Variants in PREX2 observed in about 807,000 individuals in gnomAD.
The protein encoded by PREX2 is phosphatidylinositol-3,4,5-trisphosphate dependent Rac exchange factor 2.
Under a neutral mutation model 203.2 loss-of-function variants are expected in PREX2, and 107 were observed. The ratio of observed to expected loss-of-function variants is 0.53; its 90% confidence interval spans 0.45 to 0.62. The LOEUF (loss-of-function observed/expected upper bound fraction) is 0.62, where lower values mean the gene tolerates loss of function less well. Among genes scored for constraint, PREX2 ranks in the 20% least tolerant of loss-of-function variants. PREX2 has a pLI of 0.00. For synonymous variants in PREX2, 672 were observed against 663.6 expected, an observed-to-expected ratio of 1.01 and a Z score of -0.19; for missense variants, 1,777 against 1,955.9, an observed-to-expected ratio of 0.91 and a Z score of 1.72.
intron 35 of PREX2, among the ~76,000 whole-genome samples, chr8:68,181,818 C>T (rs1249970709): frequency 1.3e-5 from 2 of 152,080 alleles, no homozygotes; most frequent in Non-Finnish European, 1.5e-5. Flanking sequence ...GTTGACCACT[C>T]ACTGTGTACC....
At chr8:68,143,304 T>C (rs1415405078) in intron 33 of PREX2, among the ~76,000 whole-genome samples, 2 of 152,082 alleles carry the variant, frequency 1.3e-5, no homozygotes, top group Non-Finnish European at 2.9e-5. Context: ...TCTCATGAGA[T>C]CTGGTTGTTT....
intron 1 of PREX2, among the ~76,000 whole-genome samples, chr8:67,977,689 G>A (rs1018988556): frequency 2.0e-5 from 3 of 152,118 alleles, no homozygotes; most frequent in African/African-American, 7.2e-5. Flanking sequence ...CTGGGGAGGG[G>A]AGAGAAATTG....
chr8:67,985,148 A>G (rs945403185), intron 1 of PREX2, among the ~76,000 whole-genome samples: 18 of 152,272 alleles, frequency 1.2e-4, no homozygotes, highest in African/African-American at 1.9e-4. Flanking sequence ...TATGCTTCCT[A>G]TGTTGATTTC....
At chr8:68,081,231 C>T (rs534323704) in intron 17 of PREX2, among the ~76,000 whole-genome samples, 9 of 152,242 alleles carry the variant, frequency 5.9e-5, no homozygotes, top group African/African-American at 1.9e-4. Flanking sequence ...ATAGATCCCC[C>T]GCATGCTCGG....
intron 25 of PREX2, among the ~76,000 whole-genome samples, chr8:68,110,041 C>G (rs1224648669): frequency 6.6e-6 from 1 of 152,142 alleles, no homozygotes; most frequent in African/African-American, 2.4e-5. Flanking sequence ...GCTTAACATA[C>G]TTGTTAAATG....
intron 23 of PREX2, among the ~76,000 whole-genome samples, chr8:68,102,488 G>A (rs1388279143): frequency 2.6e-5 from 4 of 152,136 alleles, no homozygotes; most frequent in Non-Finnish European, 5.9e-5. Context: ...TGTCTAAGAT[G>A]GTAGCCCTAA....
At chr8:68,098,859 A>G (rs973639365) in intron 22 of PREX2, among the ~76,000 whole-genome samples, 13 of 150,738 alleles carry the variant, frequency 8.6e-5, no homozygotes, top group Admixed American at 3.3e-4. Context: ...TATGTTTCAC[A>G]GAATATTATA....
chr8:68,078,322 C>T (rs1809410047), intron 15 of PREX2, among the ~76,000 whole-genome samples: 2 of 152,196 alleles, frequency 1.3e-5, no homozygotes, highest in East Asian at 1.9e-4. Context: ...CATGCCACCA[C>T]GTCTAACTAA....
intron 11 of PREX2, among the ~76,000 whole-genome samples, chr8:68,066,812 G>A (rs1413139900): frequency 1.3e-5 from 2 of 152,038 alleles, no homozygotes; most frequent in African/African-American, 4.8e-5. Flanking sequence ...CAAGACAAAT[G>A]TCAAGTAGCT....
intron 1 of PREX2, among the ~76,000 whole-genome samples, chr8:67,955,351 C>G (rs1805472596): frequency 6.6e-6 from 1 of 152,116 alleles, no homozygotes; most frequent in African/African-American, 2.4e-5. Context: ...CTATCTGCAT[C>G]TTCTCTGTAG....
At chr8:67,960,841 A>G (rs535318596) in intron 1 of PREX2, among the ~76,000 whole-genome samples, 1 of 152,056 alleles carries the variant, frequency 6.6e-6, no homozygotes, top group East Asian at 1.9e-4. Flanking sequence ...GAGCTTGGAC[A>G]TCTGAGGGTG....
At chr8:68,053,047 A>C in intron 8 of PREX2, 50 bp from the exon 9 acceptor site, 1 of 1,528,396 alleles carries the variant, frequency 6.5e-7, no homozygotes, top group Non-Finnish European at 8.9e-7. Context: ...TGGATATAAT[A>C]ATATTGTGTA....
At chr8:68,136,470 G>A (rs1811114859) in intron 32 of PREX2, among the ~76,000 whole-genome samples, 1 of 152,176 alleles carries the variant, frequency 6.6e-6, no homozygotes, top group Non-Finnish European at 1.5e-5. Flanking sequence ...TGAGTGCGAG[G>A]CACAGCCAGT....
chr8:68,184,245 T>A (rs1480630868), intron 35 of PREX2, among the ~76,000 whole-genome samples: 1 of 152,178 alleles, frequency 6.6e-6, no homozygotes, highest in African/African-American at 2.4e-5. Context: ...AAGAGATCAG[T>A]GTCTCTTCAT....
intron 7 of PREX2, among the ~76,000 whole-genome samples, chr8:68,041,618 C>T (rs1179847417): frequency 6.6e-6 from 1 of 151,950 alleles, no homozygotes; most frequent in African/African-American, 2.4e-5. Flanking sequence ...TTTTATTATG[C>T]TCTTCTAGGT....
chr8:68,191,613 T>C (rs1812295779), intron 35 of PREX2, 109 bp from the exon 36 acceptor site: 14 of 760,258 alleles, frequency 1.8e-5, no homozygotes, highest in Non-Finnish European at 2.9e-5. Flanking sequence ...TTCAATGCTT[T>C]TGTTTATTCA....
chr8:68,172,197 T>C (rs933707909), intron 35 of PREX2, among the ~76,000 whole-genome samples: 10 of 152,232 alleles, frequency 6.6e-5, no homozygotes, highest in Admixed American at 3.3e-4. Context: ...AGAAAACAAC[T>C]AAATCTACAA....
rs1035849514 is a variant in PREX2, at chr8:67,958,121, T to C, written c.141+5586T>C. 4.6e-5 allele frequency among the ~76,000 whole-genome samples: 7 copies of C among 152,186 alleles called. No homozygotes were observed. The East Asian group carries it at 1.2e-3, about 25-fold the overall frequency. ...GCTTTCAGAGTTGTGAGAAAATCAA[T>C]TTCTGCTTAAGCCATCAATCTGTGG... On this transcript the variant is annotated intron_variant, in intron 1 of 39. Coordinates refer to ENST00000288368, the MANE Select transcript of PREX2 (RefSeq NM_024870.4).
intron 35 of PREX2, among the ~76,000 whole-genome samples, chr8:68,185,690 C>T (rs1361191190): frequency 2.4e-5 from 3 of 122,786 alleles, no homozygotes; most frequent in Admixed American, 2.3e-4. Context: ...CATTTTACCA[C>T]CTCTCTCATT....
Sources: gnomAD v4.1 joint callset for allele counts (sites outside exome capture counted in the v4.1 genomes callset) on GRCh38, gnomAD v4.1.1 for gene constraint, MANE v1.5 for transcripts, NCBI Gene and HGNC (gene_info 2026-07-23, HGNC 2026-07-21) for gene names.